BACH2: variants seen among roughly 807,000 people sequenced by gnomAD.
BACH2 encodes transcription regulator protein BACH2.
In BACH2, 5 loss-of-function variants were observed where a neutral mutation model predicts 61.8. The observed-to-expected ratio is 0.08, with a 90% CI of 0.04 to 0.17. The LOEUF is 0.17. Ranked by LOEUF, BACH2 falls within the 10% of genes least tolerant of loss-of-function variation. BACH2 has a pLI of 1.00. For missense variants in BACH2, 824 were observed against 1,091.1 expected (o/e 0.76, Z 3.45); for synonymous variants, 446 against 440.1 (o/e 1.01, Z -0.17).
intron 5 of BACH2, among the ~76,000 whole-genome samples, chr6:90,032,836 A>G (rs1193843557): frequency 2.6e-5 from 4 of 152,184 alleles, no homozygotes; most frequent in African/African-American, 4.8e-5. Context: ...ATACTATTTG[A>G]CCCAGCAATT....
intron 6 of BACH2, among the ~76,000 whole-genome samples, chr6:89,996,145 T>G (rs1268705279): frequency 6.6e-6 from 1 of 152,238 alleles, no homozygotes; most frequent in African/African-American, 2.4e-5. Context: ...CTTAGGCACA[T>G]GTAAAGCACT....
rs533897839 is a variant in BACH2, at chr6:89,984,352, A to C, written c.243+24250T>G. On this transcript the variant is annotated intron_variant, in intron 6 of 8. Coordinates refer to ENST00000257749, the MANE Select transcript of BACH2 (RefSeq NM_021813.4). ...ACGAGAGGATTATTGTAAATTATCT[A>C]AATTAGTCCTAAACAAGTAATGCCA... is the stretch of plus-strand genomic sequence containing the variant. 4.4e-4 allele frequency among the ~76,000 whole-genome samples: 67 copies of C among 152,138 alleles called. 1 individual carries two copies. Among genetic ancestry groups the C allele is most frequent in the Non-Finnish European group, 7.5e-4 (51 of 68,034 alleles).
chr6:90,263,459 G>C (rs142811268), intron 2 of BACH2, among the ~76,000 whole-genome samples: 1 of 152,282 alleles, frequency 6.6e-6, no homozygotes, highest in African/African-American at 2.4e-5. Context: ...GAGGCTTTCA[G>C]GGAAACAGTC....
intron 1 of BACH2, 68 bp downstream of exon 1, chr6:90,296,412 T>C (rs945227203): frequency 6.9e-6 from 1 of 144,218 alleles, no homozygotes; most frequent in Admixed American, 6.8e-5. Context: ...GCGCGCCCGC[T>C]CCCCCCGCAA....
intron 6 of BACH2, among the ~76,000 whole-genome samples, chr6:89,996,385 A>C (rs1252176636): frequency 1.3e-5 from 2 of 152,028 alleles, no homozygotes; most frequent in Non-Finnish European, 2.9e-5. Flanking sequence ...ATATTCCTTA[A>C]ACTGTTTTTT....
At chr6:90,021,299 TAAAA>T (rs200724602) in intron 5 of BACH2, among the ~76,000 whole-genome samples, 28 of 100,234 alleles carry the variant, frequency 2.8e-4, no homozygotes, top group African/African-American at 8.6e-4. Context: ...AGCAAAAAAG[TAAAA>T]AAAAAAAAAA....
Position 89,932,645 on chromosome 6 carries a change from C to G in BACH2, c.2289G>C (p.Gly763=), listed in dbSNP as rs749282554. 6.2e-7 allele frequency: 1 copy of G among 1,614,078 alleles called. No individual in the cohort carries two copies. Among genetic ancestry groups the G allele is most frequent in the Admixed American group, 1.7e-5 (1 of 60,012 alleles). ...GCTCCAAGCAGCAGGGCACGTTTTC[C>G]CCCACTGCGCATTGGGAGGCCGCAA... ...QNIAASQCAV[G]ENVPCCLEPG... Residue 763 remains glycine, a synonymous_variant, in exon 9 of 9, where the codon GGG becomes GGC. Coordinates refer to ENST00000257749, the MANE Select transcript of BACH2 (RefSeq NM_021813.4).
At chr6:90,272,060 T>C (rs2127881756) in intron 1 of BACH2, 119 bp from the exon 2 acceptor site, 1 of 152,376 alleles carries the variant, frequency 6.6e-6, no homozygotes, top group Non-Finnish European at 1.5e-5. Context: ...GCAAATTTAG[T>C]GCTTAGAAAA....
At chr6:90,021,299 T>TAAAAA (rs200724602) in intron 5 of BACH2, among the ~76,000 whole-genome samples, 1 of 100,242 alleles carries the variant, frequency 1.0e-5, no homozygotes, top group African/African-American at 3.3e-5. Flanking sequence ...AGCAAAAAAG[T>TAAAAA]AAAAAAAAAA....
intron 4 of BACH2, among the ~76,000 whole-genome samples, chr6:90,097,550 C>T (rs1470281219): frequency 6.6e-6 from 1 of 152,184 alleles, no homozygotes; most frequent in East Asian, 1.9e-4. Context: ...CATATTCATA[C>T]CACGTGTGGG....
At chr6:90,095,336 A>G (rs1466728603) in intron 4 of BACH2, among the ~76,000 whole-genome samples, 1 of 151,990 alleles carries the variant, frequency 6.6e-6, no homozygotes, top group Non-Finnish European at 1.5e-5. Context: ...GTTTTATTCT[A>G]CTGGCATGGA....
intron 4 of BACH2, among the ~76,000 whole-genome samples, chr6:90,138,059 C>T (rs1784337267): frequency 6.7e-6 from 1 of 148,482 alleles, no homozygotes; most frequent in South Asian, 2.3e-4. Flanking sequence ...ATAAAACACA[C>T]ACACACACAC....
intron 3 of BACH2, among the ~76,000 whole-genome samples, chr6:90,243,250 T>C (rs886765791): frequency 3.3e-5 from 5 of 152,068 alleles, no homozygotes; most frequent in African/African-American, 1.2e-4. Flanking sequence ...GTCGCAAGGA[T>C]CGTCTTTAAA....
intron 4 of BACH2, among the ~76,000 whole-genome samples, chr6:90,164,834 G>A (rs1300138919): frequency 2.0e-5 from 3 of 152,174 alleles, no homozygotes; most frequent in Admixed American, 6.5e-5. Flanking sequence ...CTCAATAGAT[G>A]CAGAAAAGGC....
chr6:89,970,402 C>A (rs1775293111), intron 6 of BACH2, among the ~76,000 whole-genome samples: 1 of 152,206 alleles, frequency 6.6e-6, no homozygotes, highest in African/African-American at 2.4e-5. Flanking sequence ...ATGGAAGGAA[C>A]AGAATGTCAA....
At chr6:90,072,679 T>C (rs1016093479) in intron 5 of BACH2, among the ~76,000 whole-genome samples, 1 of 152,180 alleles carries the variant, frequency 6.6e-6, no homozygotes, top group Non-Finnish European at 1.5e-5. Context: ...ACTCAAGGCT[T>C]TTCTTAGGCC....
At position 90,004,941 on chromosome 6, in the gene BACH2, A is replaced by G. The variant is rs112141411; in HGVS notation, c.243+3661T>C. Among the ~76,000 whole-genome samples, 595 of 152,180 alleles carry G rather than the reference A, an allele frequency of 3.9e-3. 1 individual carries two copies. The highest frequency in any genetic ancestry group is 6.3e-3 in the Non-Finnish European group (431 of 68,006). ...GTGTGTTTTTCAGTGGGGAACAAAC[A>G]CTCAAGTCCTAGAAATCCTAGGGAT... On this transcript the variant is annotated intron_variant, in intron 6 of 8. Coordinates refer to ENST00000257749, the MANE Select transcript of BACH2 (RefSeq NM_021813.4).
In BACH2 at chr6:90,222,201, G is replaced by A; in HGVS notation, c.-274-15520C>T. On this transcript the variant is annotated intron_variant, in intron 3 of 8. Transcript: ENST00000257749. ...TTTTAAGAGCTCAACAGCCACCTGT[G>A]GCTAGTGACTATTATATTTGGAAAG... 1.3e-5 allele frequency among the ~76,000 whole-genome samples: 2 copies of A among 152,140 alleles called. 1 individual carries two copies.
chr6:89,976,322 T>A (rs1243270931), intron 6 of BACH2, among the ~76,000 whole-genome samples: 2 of 152,212 alleles, frequency 1.3e-5, no homozygotes, highest in Non-Finnish European at 2.9e-5. Context: ...GCAGGCAAGC[T>A]CCCGCTTGCC....
Sources: allele counts gnomAD v4.1 joint callset (sites outside exome capture counted in the v4.1 genomes callset), GRCh38; gene constraint gnomAD v4.1.1; transcripts MANE v1.5; gene names NCBI Gene and HGNC (gene_info 2026-07-23, HGNC 2026-07-21).